KDM1B: variants seen among roughly 807,000 people sequenced by gnomAD.
The protein encoded by KDM1B is lysine-specific histone demethylase 2.
A neutral mutation model predicts 107.4 loss-of-function variants in KDM1B; 63 were observed. The ratio of observed to expected loss-of-function variants is 0.59; its 90% CI spans 0.48 to 0.72. The LOEUF (loss-of-function observed/expected upper bound fraction) is 0.72, where lower values mean the gene tolerates loss of function less well. Ranked by LOEUF, KDM1B falls within the 30% of genes least tolerant of loss-of-function variation. The pLI, the probability that KDM1B is intolerant of heterozygous loss-of-function variation, is 0.00. For synonymous variants in KDM1B, 363 were observed against 363.9 expected (o/e 1.00, Z 0.03); for missense variants, 749 against 1,020.8 (o/e 0.73, Z 3.63).
Position 18,222,125 on chromosome 6 carries a change from A to G in KDM1B, c.*133A>G, listed in dbSNP as rs1311896057. On this transcript the variant is annotated 3_prime_UTR_variant, in exon 22 of 22. Transcript: ENST00000650836. Reference sequence around the variant, plus strand: ...ACTGAAATGTTTCTAAGGCGATATGATAATGCAAACCTATTTCATCACTCT... The same window carrying G: ...ACTGAAATGTTTCTAAGGCGATATGGTAATGCAAACCTATTTCATCACTCT... 11 of 823,292 alleles carry G rather than the reference A, an allele frequency of 1.3e-5. No homozygotes were observed. The highest frequency in any genetic ancestry group is 1.3e-4 in the East Asian group (5 of 38,448). 51.0% of individuals were successfully genotyped at this position (823,292 alleles called of 1,614,324 possible). A position where few individuals can be genotyped will look rare whatever the true frequency, so the allele number is the denominator to read the frequency against.
Position 18,201,614 on chromosome 6 carries a change from G to A in KDM1B, c.1488G>A (p.Glu496=). 6.4e-7 allele frequency: 1 copy of A among 1,550,948 alleles called. No individual in the cohort carries two copies. The highest frequency in any genetic ancestry group is 8.7e-7 in the Non-Finnish European group (1 of 1,147,028). Residue 496 remains glutamate (E), a synonymous_variant, in exon 14 of 22, where the codon GAG becomes GAA. Transcript: ENST00000650836. The surrounding 1 kb of genome is among the most constrained non-coding windows in gnomAD (Gnocchi z 4.3). Reference sequence around the variant, plus strand: ...ATGCTCTCTTGGATGTTGTCTCTGAGTGGAGAAAGGATAAGACTCAGCTCC... The same window carrying A: ...ATGCTCTCTTGGATGTTGTCTCTGAATGGAGAAAGGATAAGACTCAGCTCC... ...HFNALLDVVS[E]WRKDKTQLQD... is the part of the protein sequence containing the mutation.
At chr6:18,194,899 C>T (rs1000787619) in intron 10 of KDM1B, among the ~76,000 whole-genome samples, 12 of 152,262 alleles carry the variant, frequency 7.9e-5, no homozygotes, top group Admixed American at 7.8e-4. Flanking sequence ...AGAACTTTTT[C>T]ATTATCCCAA....
At chr6:18,190,132 A>G (rs1171031159) in intron 9 of KDM1B, among the ~76,000 whole-genome samples, 3 of 150,144 alleles carry the variant, frequency 2.0e-5, no homozygotes, top group African/African-American at 7.3e-5. Flanking sequence ...CCTGGGTGAC[A>G]GAACAAGACT....
intron 7 of KDM1B, among the ~76,000 whole-genome samples, chr6:18,179,487 T>C (rs922445180): frequency 2.0e-5 from 3 of 152,192 alleles, no homozygotes; most frequent in African/African-American, 7.2e-5. Flanking sequence ...TTGAATTCAC[T>C]AATGAAACAA....
intron 10 of KDM1B, among the ~76,000 whole-genome samples, chr6:18,193,184 A>G (rs1582155587): frequency 6.8e-6 from 1 of 147,970 alleles, no homozygotes; most frequent in East Asian, 2.0e-4. Context: ...AACAAGAACG[A>G]AACTCTGTCT....
chr6:18,217,777 A>C lies in KDM1B; in HGVS notation c.2277A>C (p.Thr759=). ...PTKYFVTRWS[T]DPWIQMAYSF... is the part of the protein sequence containing the mutation. ...AGTATTTTGTCACTCGGTGGAGCAC[A>C]GACCCATGGATCCAGATGGCATACA... The change falls in exon 21 of 22, where the codon ACA becomes ACC. Residue 759 remains threonine, a synonymous_variant. Transcript: ENST00000650836. 2 of 1,614,008 alleles carry C rather than the reference A, an allele frequency of 1.2e-6. No individual in the cohort carries two copies. The highest frequency in any genetic ancestry group is 1.7e-6 in the Non-Finnish European group (2 of 1,179,948).
Position 18,189,485 on chromosome 6 carries a change from G to T in KDM1B, c.784+1483G>T, listed in dbSNP as rs574239370. Among the ~76,000 whole-genome samples the T allele has an allele frequency of 2.6e-5, 4 of 152,246 alleles. No individual in the cohort carries two copies. In the South Asian group the frequency reaches 8.3e-4, roughly 32 times the overall value. On this transcript the variant is annotated intron_variant, in intron 9 of 21. Transcript: ENST00000650836. ...TAATCAAATGTAAATCCAAAGATAG[G>T]TACAAAGAAATTTCTTTTCACATTG... is the stretch of plus-strand genomic sequence containing the variant.
rs1788266814 is a variant in KDM1B at position 18,204,827 on chromosome 6, G to A, written c.1532-710G>A. ...GGTGGGAGAAGGCATTCCCATGAGG[G>A]AGAGTGGGAGGTCGCAGACCCTGCA... On this transcript the variant is annotated intron_variant, in intron 14 of 21. Coordinates refer to ENST00000650836, the MANE Select transcript of KDM1B (RefSeq NM_001364614.2). This position sits in a 1 kb window ranked among gnomAD's most constrained non-coding sequence, Gnocchi z 4.9. 6.6e-6 allele frequency among the ~76,000 whole-genome samples: 1 copy of A among 152,230 alleles called. No homozygotes were observed. The highest frequency in any genetic ancestry group is 2.4e-5 in the African/African-American group (1 of 41,460).
chr6:18,223,661 G>A lies in KDM1B; in HGVS notation c.*1669G>A, dbSNP rs1169583749. Reference sequence around the variant, plus strand: ...GTGTGTTTTAAACTTCCTATCAAGTGACATACTTCATTTGATTTTTTGTTT... The same window carrying A: ...GTGTGTTTTAAACTTCCTATCAAGTAACATACTTCATTTGATTTTTTGTTT... On this transcript the variant is annotated 3_prime_UTR_variant, in exon 22 of 22. Coordinates refer to ENST00000650836, the MANE Select transcript of KDM1B (RefSeq NM_001364614.2). 5 of 152,200 alleles carry A rather than the reference G, an allele frequency of 3.3e-5. No individual in the cohort carries two copies. The East Asian group carries it at 7.7e-4, about 24-fold the overall frequency. 9.4% of individuals were successfully genotyped at this position (152,200 alleles called of 1,614,324 possible).
At position 18,162,263 on chromosome 6, in the gene KDM1B, A is replaced by G. The variant is rs370520320; in HGVS notation, c.216-572A>G. Among the ~76,000 whole-genome samples, 88 of 152,268 alleles carry G rather than the reference A, an allele frequency of 5.8e-4. No homozygotes were observed. Among genetic ancestry groups the G allele is most frequent in the African/African-American group, 2.0e-3 (82 of 41,564 alleles). On this transcript the variant is annotated intron_variant, in intron 4 of 21. Transcript: ENST00000650836. The surrounding 1 kb of genome is among the most constrained non-coding windows in gnomAD (Gnocchi z 4.1). The stretch of plus-strand genomic sequence containing the variant: ...TTGAACCCAGGAGGCAGAGGTTGCA[A>G]TGAGCCTGAGATCGTGCCACTGTAC...
chr6:18,160,397 T>A (rs1411005053), intron 3 of KDM1B, among the ~76,000 whole-genome samples: 1 of 152,138 alleles, frequency 6.6e-6, no homozygotes, highest in African/African-American at 2.4e-5. Flanking sequence ...AAAGAAAAAA[T>A]TGAACAATGT....
chr6:18,156,854 T>C (rs369416492), intron 2 of KDM1B, among the ~76,000 whole-genome samples: 1 of 151,952 alleles, frequency 6.6e-6, no homozygotes, highest in African/African-American at 2.4e-5. Context: ...GAGGTGGATG[T>C]TGTAGTGAGC....
rs79420519 is a variant in KDM1B, at chr6:18,172,334, G to A, written c.534+855G>A. On this transcript the variant is annotated intron_variant, in intron 7 of 21. Transcript: ENST00000650836. The surrounding 1 kb of genome is among the most constrained non-coding windows in gnomAD (Gnocchi z 5.2). ...TATTAGGAATCCTTTTAATCTCAGA[G>A]GTAAAATACTTTGTTTCTAGAAATT... Among the ~76,000 whole-genome samples the A allele has an allele frequency of 9.9e-3, 1,512 of 152,184 alleles. 29 individuals are homozygous for A. Among genetic ancestry groups the A allele is most frequent in the African/African-American group, 0.035 (1,448 of 41,512 alleles).
At chr6:18,173,368 T>A (rs901014505) in intron 7 of KDM1B, among the ~76,000 whole-genome samples, 3 of 152,206 alleles carry the variant, frequency 2.0e-5, no homozygotes, top group African/African-American at 4.8e-5. Flanking sequence ...AAGTTTTTTT[T>A]AAATTGGGTT....
chr6:18,160,184 T>C (rs907728745), intron 3 of KDM1B, among the ~76,000 whole-genome samples: 1 of 152,194 alleles, frequency 6.6e-6, no homozygotes, highest in African/African-American at 2.4e-5. Context: ...GAGGGAACTG[T>C]AAGTATAAAG....
At position 18,197,020 on chromosome 6, in the gene KDM1B, T is replaced by G; in HGVS notation, c.970-37T>G. The G allele has an allele frequency of 6.4e-7, 1 of 1,560,540 alleles. No homozygotes were observed. Among genetic ancestry groups the G allele is most frequent in the Non-Finnish European group, 8.7e-7 (1 of 1,144,364 alleles). Reference sequence around the variant, plus strand: ...CTATTGTTTGAATTTCTTGGGACTTTTTTAAAAAAGCAGTTTGGTTTTATT... The same window carrying G: ...CTATTGTTTGAATTTCTTGGGACTTGTTTAAAAAAGCAGTTTGGTTTTATT... On this transcript the variant is annotated intron_variant, in intron 10 of 21. Transcript: ENST00000650836. The surrounding 1 kb of genome is among the most constrained non-coding windows in gnomAD (Gnocchi z 4.5).
chr6:18,156,114 C>G (rs1031073935), intron 2 of KDM1B, among the ~76,000 whole-genome samples, 188 bp downstream of exon 2: 6 of 152,170 alleles, frequency 3.9e-5, no homozygotes, highest in Admixed American at 3.9e-4. Context: ...AGGGTGCGGC[C>G]AGGAGCCCGC....
intron 17 of KDM1B, 71 bp downstream of exon 17, chr6:18,208,277 T>C: frequency 1.7e-6 from 2 of 1,155,902 alleles, no homozygotes; most frequent in Non-Finnish European, 2.5e-6. Flanking sequence ...AGGACAAATC[T>C]TTCCTATCAA....
chr6:18,187,683 A>C, intron 8 of KDM1B, 109 bp from the exon 9 acceptor site: 1 of 716,152 alleles, frequency 1.4e-6, no homozygotes, highest in Non-Finnish European at 2.4e-6. Flanking sequence ...GAAAAAGCAT[A>C]GCGGGTTAAG....
Sources: allele counts gnomAD v4.1 joint callset (sites outside exome capture counted in the v4.1 genomes callset), GRCh38; gene constraint gnomAD v4.1.1; non-coding constraint Gnocchi (gnomAD v3.1); transcripts MANE v1.5; gene names NCBI Gene and HGNC (gene_info 2026-07-23, HGNC 2026-07-21).